SUN1: variants seen among roughly 807,000 people sequenced by gnomAD.
The protein encoded by SUN1 is Sad1 and UNC84 domain containing 1.
A neutral mutation model predicts 103.2 loss-of-function variants in SUN1; 61 were observed. The observed-to-expected ratio is 0.59, with a 90% confidence interval of 0.48 to 0.73. The LOEUF is 0.73. SUN1 is among the 30% of genes least tolerant of loss of function. The pLI is 0.00. For synonymous variants in SUN1, 490 were observed against 425.7 expected, an observed-to-expected ratio of 1.15 and a Z score of -1.86; for missense variants, 1,052 against 1,034.6, an observed-to-expected ratio of 1.02 and a Z score of -0.23.
At chr7:830,864 C>A, upstream of SUN1, 1 of 823,168 alleles carries the variant, frequency 1.2e-6, no homozygotes, top group Non-Finnish European at 1.5e-6. Context: ...GGTTGTTGCT[C>A]GGCAGTGCAG....
chr7:839,291 G>A (rs943688613), intron 2 of SUN1: 34 of 306,994 alleles, frequency 1.1e-4, no homozygotes, highest in African/African-American at 6.6e-4. Flanking sequence ...TTGTGGTCCT[G>A]TGGTGGGAGC....
intron 1 of SUN1, among the ~76,000 whole-genome samples, chr7:825,856 T>C (rs78939731): frequency 0.046 from 7,040 of 152,180 alleles, 177 homozygotes; most frequent in African/African-American, 0.058. Context: ...TTCAATAATA[T>C]GAAGATCTAA....
intron 1 of SUN1, among the ~76,000 whole-genome samples, chr7:819,663 C>A (rs1474378018): frequency 6.6e-6 from 1 of 151,632 alleles, no homozygotes; most frequent in African/African-American, 2.4e-5. Flanking sequence ...TATTTTTGGA[C>A]CCAGTTCTGT....
upstream of SUN1, among the ~76,000 whole-genome samples, chr7:830,097 TAAGGGGG>T (rs1796550224): frequency 2.0e-5 from 3 of 152,216 alleles, no homozygotes; most frequent in South Asian, 4.1e-4. Flanking sequence ...CGTGGTCTGT[TAAGGGGG>T]AAGGAGGAAG....
chr7:829,547 G>GT (rs113371963), upstream of SUN1, among the ~76,000 whole-genome samples: 11 of 118,456 alleles, frequency 9.3e-5, no homozygotes, highest in African/African-American at 3.1e-4. Context: ...AAAAATAACT[G>GT]GTTTTTTTTT....
chr7:838,953 G>A lies in SUN1; in HGVS notation c.233G>A (p.Ser78Asn), dbSNP rs780522800. ...GCTGTGGGTGCCGACAGCGGCACCA[G>A]CAGCGCTGTCTCCCTGAAGAACCGA... ...GEAVGADSGT[S>N]SAVSLKNRAA... Residue 78 changes from serine (S) to asparagine (N), a missense_variant, in exon 2 of 19, where the codon AGC (serine) becomes AAC (asparagine). Ser to Asn is a conservative substitution (Grantham distance 46, BLOSUM62 1). Around this residue, in one of 2 missense-constraint regions of SUN1, gnomAD observed 846 missense variants for 774.5 expected, o/e 1.09. Coordinates refer to ENST00000401592, the MANE Select transcript of SUN1 (RefSeq NM_001130965.3). 27 of 1,606,024 alleles carry A rather than the reference G, an allele frequency of 1.7e-5. 1 individual carries two copies. In the Admixed American group the frequency reaches 4.3e-4, roughly 25 times the overall value.
intron 2 of SUN1, among the ~76,000 whole-genome samples, chr7:840,484 CT>C (rs1389788977): frequency 3.9e-5 from 6 of 152,262 alleles, no homozygotes; most frequent in Non-Finnish European, 8.8e-5. Flanking sequence ...TGCCTTTGGC[CT>C]CCCAAGCTTC....
intron 15 of SUN1, among the ~76,000 whole-genome samples, chr7:863,374 T>TCACCAGCGCCAGGGCCCCTGGA (rs1833858552): frequency 9.9e-5 from 15 of 151,994 alleles, no homozygotes; most frequent in Middle Eastern, 3.4e-3. Context: ...TGCCCGGGGT[T>TCACCAGCGCCAGGGCCCCTGGA]GTGTGCTGCC....
upstream of SUN1, among the ~76,000 whole-genome samples, chr7:830,461 T>A (rs1796910093): frequency 6.6e-6 from 1 of 152,218 alleles, no homozygotes. Flanking sequence ...AAATGATAGA[T>A]TCCGCATATT....
At chr7:835,851 T>C (rs1284646745) in intron 1 of SUN1, among the ~76,000 whole-genome samples, 1 of 152,202 alleles carries the variant, frequency 6.6e-6, no homozygotes, top group Non-Finnish European at 1.5e-5. Flanking sequence ...CTGCCCATGC[T>C]CAGATCCAGG....
At chr7:836,383 C>T (rs1259099221) in intron 1 of SUN1, among the ~76,000 whole-genome samples, 2 of 152,086 alleles carry the variant, frequency 1.3e-5, no homozygotes, top group South Asian at 2.1e-4. Flanking sequence ...ATTGATTATG[C>T]GGAATTGGCT....
upstream of SUN1, chr7:831,911 A>G: frequency 2.6e-6 from 1 of 383,740 alleles, no homozygotes; most frequent in African/African-American, 2.2e-5. Context: ...CTAGATGACA[A>G]CCTGAGAAAC....
At chr7:852,253 G>C in intron 7 of SUN1, 1 of 620,772 alleles carries the variant, frequency 1.6e-6, no homozygotes, top group Non-Finnish European at 2.8e-6. Flanking sequence ...CAAATGTGCA[G>C]AGGTGAGGCA....
intron 5 of SUN1, chr7:849,868 G>A: frequency 6.5e-7 from 1 of 1,539,468 alleles, no homozygotes; most frequent in Non-Finnish European, 8.8e-7. Context: ...CGGCTGAGAT[G>A]GACAGAGTTT....
chr7:815,693 G>A (rs1780150282), upstream of SUN1, among the ~76,000 whole-genome samples: 1 of 152,264 alleles, frequency 6.6e-6, no homozygotes, highest in African/African-American at 2.4e-5. Flanking sequence ...CCCCAGCACG[G>A]AGAAGAGAAC....
intron 15 of SUN1, among the ~76,000 whole-genome samples, chr7:861,945 G>A (rs968738112): frequency 1.3e-5 from 2 of 152,188 alleles, no homozygotes; most frequent in African/African-American, 4.8e-5. Flanking sequence ...AACCCTGCAG[G>A]GGCACAAGCC....
intron 1 of SUN1, among the ~76,000 whole-genome samples, chr7:837,083 G>A (rs947376579): frequency 4.6e-5 from 7 of 152,224 alleles, no homozygotes; most frequent in East Asian, 3.8e-4. Flanking sequence ...GGGAGAAAGC[G>A]TCTAGGCCCA....
chr7:828,284 T>C (rs971093588), upstream of SUN1, among the ~76,000 whole-genome samples: 1 of 151,838 alleles, frequency 6.6e-6, no homozygotes, highest in Non-Finnish European at 1.5e-5. Flanking sequence ...TTTTGTTTTG[T>C]TTTTTGAGAC....
intron 1 of SUN1, among the ~76,000 whole-genome samples, chr7:820,923 T>C (rs1785284692): frequency 6.6e-6 from 1 of 152,154 alleles, no homozygotes; most frequent in Non-Finnish European, 1.5e-5. Context: ...TGGAGCCTTC[T>C]GGGGGTTCCA....
Sources: gnomAD v4.1 joint callset for allele counts (sites outside exome capture counted in the v4.1 genomes callset) on GRCh38, gnomAD v4.1.1 for gene constraint, gnomAD v4.1.1 regional missense constraint, MANE v1.5 for transcripts, NCBI Gene and HGNC (gene_info 2026-07-23, HGNC 2026-07-21) for gene names.